Variants in LRRTM4 observed in about 807,000 individuals in gnomAD.
LRRTM4 encodes the protein leucine-rich repeat transmembrane neuronal protein 4.
Under a neutral mutation model 47.6 loss-of-function variants are expected in LRRTM4, and 25 were observed. The observed-to-expected ratio is 0.53, with a 90% CI of 0.38 to 0.73. The LOEUF (loss-of-function observed/expected upper bound fraction) is 0.73, where lower values mean the gene tolerates loss of function less well. Ranked by LOEUF, LRRTM4 falls within the 30% of genes least tolerant of loss-of-function variation. The pLI, the probability that LRRTM4 is intolerant of heterozygous loss-of-function variation, is 0.00. For synonymous variants in LRRTM4, 311 were observed against 269.5 expected (o/e 1.15, Z -1.51); for missense variants, 638 against 713.4 (o/e 0.89, Z 1.20).
At chr2:77,432,733 A>G (rs10171661) in intron 3 of LRRTM4, among the ~76,000 whole-genome samples, 55,615 of 152,054 alleles carry the variant, frequency 0.37, 10,245 homozygotes, top group South Asian at 0.39. Flanking sequence ...ATGTGTGTAT[A>G]TAGATATAGG....
At chr2:77,088,869 C>G (rs1277802265) in intron 3 of LRRTM4, among the ~76,000 whole-genome samples, 2 of 152,074 alleles carry the variant, frequency 1.3e-5, no homozygotes, top group African/African-American at 4.8e-5. Flanking sequence ...CTCACTATCC[C>G]TCAATCTCTT....
At chr2:77,137,787 A>C (rs1212003755) in intron 3 of LRRTM4, among the ~76,000 whole-genome samples, 2 of 152,270 alleles carry the variant, frequency 1.3e-5, no homozygotes, top group Admixed American at 6.5e-5. Flanking sequence ...AAGATCTACC[A>C]AGCAAATTTA....
intron 3 of LRRTM4, among the ~76,000 whole-genome samples, chr2:76,869,552 T>C (rs1200483743): frequency 2.0e-5 from 3 of 151,668 alleles, no homozygotes; most frequent in African/African-American, 4.9e-5. Flanking sequence ...GGGTAGATGA[T>C]TGATTTTTTT....
chr2:77,463,441 C>A (rs985048881), intron 3 of LRRTM4, among the ~76,000 whole-genome samples: 1 of 151,966 alleles, frequency 6.6e-6, no homozygotes, highest in Non-Finnish European at 1.5e-5. Flanking sequence ...CCCAGTAAAT[C>A]AAAATTTTCC....
At chr2:77,414,315 C>A (rs1413034750) in intron 3 of LRRTM4, among the ~76,000 whole-genome samples, 2 of 152,092 alleles carry the variant, frequency 1.3e-5, no homozygotes, top group East Asian at 3.9e-4. Context: ...CAAGGCAAGA[C>A]AAACAGCTAC....
rs575772272 is a variant in LRRTM4 at position 77,461,755 on chromosome 2, G to T, written c.1551+56563C>A. On this transcript the variant is annotated intron_variant, in intron 3 of 3. Coordinates refer to ENST00000409884, the MANE Select transcript of LRRTM4 (RefSeq NM_001134745.3). Reference sequence around the variant, plus strand: ...TATAGACTTTTTCTGAGCATGCCCTGCTCTGGCTGATTTTGTTCTCTTGCT... The same window carrying T: ...TATAGACTTTTTCTGAGCATGCCCTTCTCTGGCTGATTTTGTTCTCTTGCT... Among the ~76,000 whole-genome samples, 27 of 152,062 alleles carry T rather than the reference G, an allele frequency of 1.8e-4. No homozygotes were observed. The South Asian group carries it at 5.6e-3, about 32-fold the overall frequency.
intron 3 of LRRTM4, among the ~76,000 whole-genome samples, chr2:77,250,829 C>T (rs188609259): frequency 1.2e-4 from 18 of 152,178 alleles, no homozygotes; most frequent in Non-Finnish European, 2.1e-4. Flanking sequence ...AGCAGCCGGG[C>T]GTGATGGCTC....
rs924476369 is a variant in LRRTM4, at chr2:77,281,091, A to G, written c.1551+237227T>C. The stretch of plus-strand genomic sequence containing the variant: ...CTGTTTTTTATTTCAGGTACTGACT[A>G]ATAAGTTCATTCATAATTGGTTCAA... On this transcript the variant is annotated intron_variant, in intron 3 of 3. Transcript: ENST00000409884. Among the ~76,000 whole-genome samples, 3 of 151,990 alleles carry G rather than the reference A, an allele frequency of 2.0e-5. No homozygotes were observed. The East Asian group carries it at 5.8e-4, about 29-fold the overall frequency.
intron 3 of LRRTM4, among the ~76,000 whole-genome samples, chr2:77,159,693 C>T (rs1011846603): frequency 6.6e-6 from 1 of 151,618 alleles, no homozygotes; most frequent in Non-Finnish European, 1.5e-5. Flanking sequence ...TCAGGGTGGG[C>T]AGAGGGGGAA....
chr2:77,188,330 C>T (rs953783258), intron 3 of LRRTM4, among the ~76,000 whole-genome samples: 2 of 152,188 alleles, frequency 1.3e-5, no homozygotes, highest in Non-Finnish European at 2.9e-5. Context: ...CTTCCTTGCT[C>T]CAAAGGTTGC....
chr2:76,835,239 A>G (rs1411677097), intron 3 of LRRTM4, among the ~76,000 whole-genome samples: 2 of 152,056 alleles, frequency 1.3e-5, no homozygotes, highest in African/African-American at 2.4e-5. Context: ...CCTTAATTAC[A>G]CCCAATAAAG....
intron 3 of LRRTM4, among the ~76,000 whole-genome samples, chr2:77,118,801 G>A (rs1036932122): frequency 6.6e-6 from 1 of 151,696 alleles, no homozygotes; most frequent in Non-Finnish European, 1.5e-5. Context: ...TCAAAAAATA[G>A]GAATAATAAT....
intron 3 of LRRTM4, among the ~76,000 whole-genome samples, chr2:76,860,954 A>G (rs574689918): frequency 1.3e-5 from 2 of 152,262 alleles, no homozygotes; most frequent in East Asian, 3.9e-4. Flanking sequence ...GGAAATACTA[A>G]TAATATATAA....
chr2:76,887,870 G>A (rs1021664890), intron 3 of LRRTM4, among the ~76,000 whole-genome samples: 3 of 150,838 alleles, frequency 2.0e-5, no homozygotes, highest in Non-Finnish European at 3.0e-5. Context: ...GACCAATAAA[G>A]ATAAAAGATA....
chr2:77,140,858 G>A (rs1333137618), intron 3 of LRRTM4, among the ~76,000 whole-genome samples: 2 of 152,046 alleles, frequency 1.3e-5, no homozygotes, highest in Non-Finnish European at 2.9e-5. Context: ...GCAGCCAACA[G>A]ACACATGAAA....
At chr2:77,234,601 A>G (rs1675054575) in intron 3 of LRRTM4, among the ~76,000 whole-genome samples, 1 of 152,134 alleles carries the variant, frequency 6.6e-6, no homozygotes, top group East Asian at 1.9e-4. Flanking sequence ...GATCATTTGG[A>G]ATTATTAGAG....
rs576710918 is a variant in LRRTM4, at chr2:77,460,814, T to C, written c.1551+57504A>G. Among the ~76,000 whole-genome samples the C allele has an allele frequency of 2.0e-5, 3 of 152,008 alleles. No homozygotes were observed. In the East Asian group the frequency reaches 5.8e-4, roughly 29 times the overall value. On this transcript the variant is annotated intron_variant, in intron 3 of 3. Coordinates refer to ENST00000409884, the MANE Select transcript of LRRTM4 (RefSeq NM_001134745.3). ...CAGATATAAAAGCCCCATAAAAAGTTTGCATTGCTCTCACCCCAGTTGAGC... is the reference window on the plus strand; with the variant it reads ...CAGATATAAAAGCCCCATAAAAAGTCTGCATTGCTCTCACCCCAGTTGAGC...
intron 3 of LRRTM4, among the ~76,000 whole-genome samples, chr2:77,493,554 T>C (rs1678248739): frequency 6.6e-6 from 1 of 152,070 alleles, no homozygotes; most frequent in African/African-American, 2.4e-5. Flanking sequence ...GCAAATATAG[T>C]TGAGAATCTC....
intron 3 of LRRTM4, among the ~76,000 whole-genome samples, chr2:77,394,894 A>C (rs1489293498): frequency 6.6e-6 from 1 of 151,926 alleles, no homozygotes; most frequent in East Asian, 1.9e-4. Context: ...TTGTCCCATC[A>C]AAGCTGTAGT....
Sources: gnomAD v4.1 joint callset for allele counts (sites outside exome capture counted in the v4.1 genomes callset) on GRCh38, gnomAD v4.1.1 for gene constraint, MANE v1.5 for transcripts, NCBI Gene and HGNC (gene_info 2026-07-23, HGNC 2026-07-21) for gene names.